RSU1: variants seen among roughly 807,000 people sequenced by gnomAD.
The protein encoded by RSU1 is Ras suppressor protein 1, also known as rsu-1.
In RSU1, 26 loss-of-function variants were observed where a neutral mutation model predicts 31.1. The observed-to-expected ratio is 0.84, with a 90% confidence interval of 0.61 to 1.16. RSU1 has a LOEUF of 1.16. RSU1 is among the 50% of genes most tolerant of loss of function. The probability of loss-of-function intolerance (pLI) is 0.00; values close to 1 mark genes in which losing one functional copy is unlikely to be tolerated. For synonymous variants in RSU1, 164 were observed against 136.3 expected (o/e 1.20, Z -1.41); for missense variants, 320 against 339.1 (o/e 0.94, Z 0.44).
intron 7 of RSU1, among the ~76,000 whole-genome samples, chr10:16,706,453 T>C (rs533874920): frequency 7.9e-5 from 12 of 152,356 alleles, no homozygotes; most frequent in African/African-American, 2.9e-4. Flanking sequence ...GTTGTGTTTT[T>C]TATTGTTGCT....
intron 8 of RSU1, among the ~76,000 whole-genome samples, chr10:16,653,604 A>G (rs1015429863): frequency 2.6e-5 from 4 of 152,134 alleles, no homozygotes; most frequent in Non-Finnish European, 5.9e-5. Flanking sequence ...ACTTGTGCCT[A>G]AAAATACATA....
At chr10:16,797,282 A>T (rs1476883663) in intron 2 of RSU1, among the ~76,000 whole-genome samples, 2 of 152,210 alleles carry the variant, frequency 1.3e-5, no homozygotes, top group African/African-American at 4.8e-5. Context: ...CGCTTTTAAA[A>T]AGAGAGAGAA....
intron 7 of RSU1, among the ~76,000 whole-genome samples, chr10:16,728,384 A>G (rs1321558199): frequency 7.2e-5 from 11 of 152,162 alleles, no homozygotes; most frequent in Admixed American, 7.2e-4. Context: ...TCACATATAC[A>G]CCTACACCCT....
chr10:16,740,269 A>G (rs1160793688), intron 7 of RSU1, among the ~76,000 whole-genome samples: 1 of 152,190 alleles, frequency 6.6e-6, no homozygotes, highest in Non-Finnish European at 1.5e-5. Flanking sequence ...TAAAAGCCAC[A>G]TAGACATAGA....
chr10:16,605,748 C>T (rs368611396), intron 8 of RSU1, among the ~76,000 whole-genome samples: 4 of 152,292 alleles, frequency 2.6e-5, no homozygotes, highest in East Asian at 1.9e-4. Context: ...TGTGGTGGAA[C>T]TCCGGTTCCT....
chr10:16,690,961 G>A (rs901940424), intron 8 of RSU1, among the ~76,000 whole-genome samples: 5 of 152,068 alleles, frequency 3.3e-5, no homozygotes, highest in Admixed American at 2.0e-4. Flanking sequence ...ATATAAGTAA[G>A]GATTCTTTTT....
intron 7 of RSU1, among the ~76,000 whole-genome samples, chr10:16,717,330 A>G (rs971038866): frequency 5.3e-5 from 8 of 152,342 alleles, no homozygotes; most frequent in African/African-American, 1.9e-4. Flanking sequence ...ATAACTGCCA[A>G]GTCTACATAA....
At chr10:16,596,295 C>G (rs540605178) in intron 8 of RSU1, among the ~76,000 whole-genome samples, 2 of 152,324 alleles carry the variant, frequency 1.3e-5, no homozygotes, top group African/African-American at 4.8e-5. Context: ...GTGGACTCAA[C>G]CCGTGTTCCT....
At chr10:16,698,589 T>C (rs1835726926) in intron 7 of RSU1, among the ~76,000 whole-genome samples, 1 of 152,182 alleles carries the variant, frequency 6.6e-6, no homozygotes, top group African/African-American at 2.4e-5. Context: ...CCCTTTTGTC[T>C]GAAGCCTGTA....
chr10:16,693,713 T>C (rs1377466559), intron 8 of RSU1, among the ~76,000 whole-genome samples: 6 of 151,696 alleles, frequency 4.0e-5, no homozygotes, highest in African/African-American at 1.5e-4. Context: ...ATTAAAAAAA[T>C]TAGCTGGGCA....
chr10:16,665,499 CAT>C (rs529043878), intron 8 of RSU1, among the ~76,000 whole-genome samples: 173 of 152,284 alleles, frequency 1.1e-3, no homozygotes, highest in African/African-American at 3.8e-3. Context: ...TCAAAGCAAA[CAT>C]AGTTATCTCA....
Position 16,789,047 on chromosome 10 carries a change from GA to G in RSU1, c.110-6964del, listed in dbSNP as rs369864705. Among the ~76,000 whole-genome samples the G allele has an allele frequency of 7.8e-3, 1,176 of 151,074 alleles. 17 individuals carry two copies. Among genetic ancestry groups the G allele is most frequent in the African/African-American group, 0.023 (966 of 41,220 alleles). On this transcript the variant is annotated intron_variant, in intron 2 of 8. Coordinates refer to ENST00000345264, the MANE Select transcript of RSU1 (RefSeq NM_012425.4). ...ATAGCACAAGCAACTAATTAGCAAG[GA>G]AAAAAAAATGTTGCTCTTCTCAAAA...
chr10:16,690,278 G>A (rs1309730322), intron 8 of RSU1, among the ~76,000 whole-genome samples: 3 of 152,194 alleles, frequency 2.0e-5, no homozygotes, highest in Non-Finnish European at 4.4e-5. Context: ...CTCAGCGACA[G>A]TTTAAAAACA....
chr10:16,662,530 T>C (rs1266427908), intron 8 of RSU1, among the ~76,000 whole-genome samples: 5 of 152,174 alleles, frequency 3.3e-5, no homozygotes, highest in South Asian at 2.1e-4. Context: ...TATAAACATA[T>C]TGTAGCCTAC....
At chr10:16,772,111 C>T (rs1158384391) in intron 3 of RSU1, among the ~76,000 whole-genome samples, 3 of 152,114 alleles carry the variant, frequency 2.0e-5, no homozygotes, top group Non-Finnish European at 2.9e-5. Flanking sequence ...CTTAACTCAC[C>T]GCAAAACAAT....
At chr10:16,816,916 G>T in intron 2 of RSU1, 57 bp downstream of exon 2, 2 of 1,256,654 alleles carry the variant, frequency 1.6e-6, no homozygotes, top group Non-Finnish European at 2.3e-6. Flanking sequence ...GCAGTGAATT[G>T]GCAAACTTAG....
At chr10:16,793,393 C>G (rs1837966837) in intron 2 of RSU1, among the ~76,000 whole-genome samples, 1 of 152,094 alleles carries the variant, frequency 6.6e-6, no homozygotes, top group Non-Finnish European at 1.5e-5. Context: ...TGTTTCTACA[C>G]ATAATAGCAG....
At chr10:16,698,173 C>A (rs1289632067) in intron 7 of RSU1, among the ~76,000 whole-genome samples, 2 of 151,764 alleles carry the variant, frequency 1.3e-5, no homozygotes, top group Non-Finnish European at 2.9e-5. Context: ...CAAGTCTCAG[C>A]TATTTCAAAT....
chr10:16,759,488 C>T (rs755511017), intron 4 of RSU1, among the ~76,000 whole-genome samples: 1 of 152,216 alleles, frequency 6.6e-6, no homozygotes, highest in Non-Finnish European at 1.5e-5. Context: ...GCCTGGGTGA[C>T]AGAGTGAGAT....
Sources: allele counts gnomAD v4.1 joint callset (sites outside exome capture counted in the v4.1 genomes callset), GRCh38; gene constraint gnomAD v4.1.1; transcripts MANE v1.5; gene names NCBI Gene and HGNC (gene_info 2026-07-23, HGNC 2026-07-21).